The following TENM3 variants were observed in gnomAD, a reference collection of about 807,000 sequenced individuals.
TENM3 encodes the protein teneurin transmembrane protein 3.
A neutral mutation model predicts 255.1 loss-of-function variants in TENM3; 63 were observed. That is an observed-to-expected ratio of 0.25 (90% CI 0.20 to 0.30). TENM3 has a LOEUF of 0.30. Among genes scored for constraint, TENM3 ranks in the 10% least tolerant of loss-of-function variants. The pLI, the probability that TENM3 is intolerant of heterozygous loss-of-function variation, is 1.00. For missense variants in TENM3, 2,929 were observed against 3,461.1 expected, an observed-to-expected ratio of 0.85 and a Z score of 3.86; for synonymous variants, 1,306 against 1,322.3, an observed-to-expected ratio of 0.99 and a Z score of 0.27.
At chr4:182,583,881 ATG>A (rs1338818636) in intron 3 of TENM3, among the ~76,000 whole-genome samples, 4 of 152,226 alleles carry the variant, frequency 2.6e-5, no homozygotes, top group Non-Finnish European at 5.9e-5. Flanking sequence ...TTTGTGAGCT[ATG>A]TGTCTTTGGC....
chr4:182,141,476 A>G (rs1018331705), upstream of TENM3: 2 of 149,828 alleles, frequency 1.3e-5, no homozygotes, highest in Non-Finnish European at 3.0e-5. Flanking sequence ...GCCTCAAATG[A>G]TGGAACTTCT....
chr4:181,842,607 T>C, the TENM3 span, among the ~76,000 whole-genome samples: 1 of 152,214 alleles, frequency 6.6e-6, no homozygotes, highest in Admixed American at 6.5e-5. Flanking sequence ...GCAGGTGTCC[T>C]CTGGCTGGGT....
At chr4:182,057,141 TCTA>T in the TENM3 span, among the ~76,000 whole-genome samples, 3 of 151,862 alleles carry the variant, frequency 2.0e-5, no homozygotes, top group South Asian at 4.2e-4. Flanking sequence ...CATTTCAAAA[TCTA>T]CTGCTGGGAA....
the TENM3 span, among the ~76,000 whole-genome samples, chr4:181,610,112 G>C: frequency 6.6e-6 from 1 of 152,178 alleles, no homozygotes; most frequent in African/African-American, 2.4e-5. Context: ...AAGTGAAAAA[G>C]AAAACCTCTA....
the TENM3 span, among the ~76,000 whole-genome samples, chr4:181,455,862 G>A: frequency 6.6e-6 from 1 of 151,794 alleles, no homozygotes; most frequent in Non-Finnish European, 1.5e-5. Context: ...ATAGAATGGG[G>A]GCATTTCCAA....
At chr4:181,881,620 ACTTTT>A in the TENM3 span, among the ~76,000 whole-genome samples, 22 of 152,104 alleles carry the variant, frequency 1.4e-4, no homozygotes, top group African/African-American at 5.1e-4. Flanking sequence ...ATTTTGCTTT[ACTTTT>A]ATTAGCATTA....
Position 182,633,783 on chromosome 4 carries a change from A to G in TENM3, c.988+4894A>G, listed in dbSNP as rs953333. 7.9e-3 allele frequency among the ~76,000 whole-genome samples: 1,198 copies of G among 152,326 alleles called. 22 individuals carry two copies. Among genetic ancestry groups the G allele is most frequent in the East Asian group, 0.04 (208 of 5,178 alleles). ...ACACACACAAGGACTCTTACACTAT[A>G]CTGTCTCCCGTGAGGTTTTTTAAGA... On this transcript the variant is annotated intron_variant, in intron 5 of 27. Coordinates refer to ENST00000511685, the MANE Select transcript of TENM3 (RefSeq NM_001080477.4).
chr4:182,167,995 A>G (rs1228616216), intron 1 of TENM3, among the ~76,000 whole-genome samples: 2 of 152,252 alleles, frequency 1.3e-5, no homozygotes, highest in East Asian at 3.8e-4. Flanking sequence ...TTTAGTAAAA[A>G]GGACAAACTT....
the TENM3 span, among the ~76,000 whole-genome samples, chr4:181,693,418 G>C: frequency 6.6e-6 from 1 of 152,162 alleles, no homozygotes; most frequent in Non-Finnish European, 1.5e-5. Context: ...ACCACTGACA[G>C]TCCATTCCTC....
intron 3 of TENM3, among the ~76,000 whole-genome samples, chr4:182,484,619 A>C (rs1734525839): frequency 6.6e-6 from 1 of 152,160 alleles, no homozygotes; most frequent in South Asian, 2.1e-4. Context: ...ATGTCAGGAA[A>C]GATTCAGGAA....
chr4:182,583,680 A>G (rs1019353356), intron 3 of TENM3, among the ~76,000 whole-genome samples: 2 of 152,110 alleles, frequency 1.3e-5, no homozygotes, highest in Non-Finnish European at 2.9e-5. Flanking sequence ...TGAAGTGTTT[A>G]ATTTTTGAAG....
At chr4:181,648,513 ACT>A in the TENM3 span, among the ~76,000 whole-genome samples, 1 of 151,968 alleles carries the variant, frequency 6.6e-6, no homozygotes, top group Admixed American at 6.6e-5. Flanking sequence ...TGCTATGAAA[ACT>A]CTCATGGCAG....
the TENM3 span, among the ~76,000 whole-genome samples, chr4:181,657,885 C>T: frequency 1.3e-5 from 2 of 152,012 alleles, no homozygotes; most frequent in African/African-American, 2.4e-5. Flanking sequence ...AATGCAGAAA[C>T]AGGAAAACAA....
intron 4 of TENM3, among the ~76,000 whole-genome samples, chr4:182,627,977 A>G (rs1388804974): frequency 6.6e-6 from 1 of 152,086 alleles, no homozygotes; most frequent in East Asian, 1.9e-4. Context: ...GTGTTAGAAG[A>G]TGTTCCATGA....
chr4:181,983,977 T>C, the TENM3 span, among the ~76,000 whole-genome samples: 1 of 152,138 alleles, frequency 6.6e-6, no homozygotes, highest in Admixed American at 6.6e-5. Flanking sequence ...TCCTAGTCTA[T>C]ATGAGTATCA....
chr4:182,085,622 G>A, the TENM3 span, among the ~76,000 whole-genome samples: 1 of 152,054 alleles, frequency 6.6e-6, no homozygotes, highest in Non-Finnish European at 1.5e-5. Context: ...ATATTACAGT[G>A]TCTTGGTATC....
chr4:181,478,706 C>A, the TENM3 span, among the ~76,000 whole-genome samples: 2 of 152,186 alleles, frequency 1.3e-5, no homozygotes, highest in African/African-American at 4.8e-5. Context: ...ATTTAGATAT[C>A]TGAAAACTCC....
intron 3 of TENM3, among the ~76,000 whole-genome samples, chr4:182,497,847 CATATATATATATATATATATATAT>C (rs56170155): frequency 0.32 from 44,079 of 135,712 alleles, 7,707 homozygotes; most frequent in South Asian, 0.4. Context: ...ACTAAAAATA[CATATATATATATATATATATATAT>C]ATATATATAT....
chr4:182,708,354 G>A (rs1469559713), intron 12 of TENM3, among the ~76,000 whole-genome samples: 2 of 151,950 alleles, frequency 1.3e-5, no homozygotes, highest in Non-Finnish European at 2.9e-5. Context: ...AGAAATTTAG[G>A]AATCATTAAT....
Sources: allele counts gnomAD v4.1 joint callset (sites outside exome capture counted in the v4.1 genomes callset), GRCh38; gene constraint gnomAD v4.1.1; transcripts MANE v1.5; gene names NCBI Gene and HGNC (gene_info 2026-07-23, HGNC 2026-07-21).